Variants in ENTREP2 observed in about 807,000 individuals in gnomAD.
The protein encoded by ENTREP2 is protein ENTREP2.
At chr15:29,454,620 C>T in the ENTREP2 span, among the ~76,000 whole-genome samples, 1 of 152,138 alleles carries the variant, frequency 6.6e-6, no homozygotes, top group Non-Finnish European at 1.5e-5. Context: ...TCAGAGATGG[C>T]CCCAATGCCC....
the ENTREP2 span, among the ~76,000 whole-genome samples, chr15:29,368,460 T>G: frequency 4.6e-5 from 7 of 151,792 alleles, no homozygotes; most frequent in African/African-American, 1.5e-4. Context: ...ACAAAGACTT[T>G]AAATCAGTTA....
the ENTREP2 span, among the ~76,000 whole-genome samples, chr15:29,626,406 C>T: frequency 6.6e-6 from 1 of 152,180 alleles, no homozygotes; most frequent in African/African-American, 2.4e-5. Context: ...GGGAGCTCCC[C>T]TGCACAAGCT....
At chr15:29,584,996 T>TA in the ENTREP2 span, among the ~76,000 whole-genome samples, 1 of 73,880 alleles carries the variant, frequency 1.4e-5, no homozygotes, top group African/African-American at 3.9e-5. Flanking sequence ...CAAAGATCGA[T>TA]GGATAGATAG....
chr15:29,600,902 C>CCTTTTTTTTTTTTTTTTTTTT, the ENTREP2 span, among the ~76,000 whole-genome samples: 2 of 123,624 alleles, frequency 1.6e-5, no homozygotes, highest in African/African-American at 7.2e-5. Context: ...ATTTTTCTTT[C>CCTTTTTTTTTTTTTTTTTTTT]TTTTTTTTTT....
At chr15:29,673,394 T>A in the ENTREP2 span, among the ~76,000 whole-genome samples, 1 of 152,166 alleles carries the variant, frequency 6.6e-6, no homozygotes, top group East Asian at 1.9e-4. Context: ...CTACTCAAGA[T>A]GGAGTCGCTG....
the ENTREP2 span, among the ~76,000 whole-genome samples, chr15:29,168,407 A>G: frequency 2.0e-5 from 3 of 152,356 alleles, no homozygotes; most frequent in African/African-American, 7.2e-5. Context: ...GACTCTGTAC[A>G]AAGACTCTTG....
At chr15:29,206,843 ACG>A in the ENTREP2 span, among the ~76,000 whole-genome samples, 1 of 152,146 alleles carries the variant, frequency 6.6e-6, no homozygotes, top group Non-Finnish European at 1.5e-5. Flanking sequence ...TTACCACCAC[ACG>A]TAATTACTAA....
the ENTREP2 span, among the ~76,000 whole-genome samples, chr15:29,512,211 A>AT: frequency 2.0e-5 from 3 of 151,996 alleles, no homozygotes; most frequent in African/African-American, 7.3e-5. Context: ...TTATATTTGT[A>AT]TTTTTTGTTA....
At chr15:29,431,404 G>A in the ENTREP2 span, among the ~76,000 whole-genome samples, 11 of 152,096 alleles carry the variant, frequency 7.2e-5, no homozygotes, top group East Asian at 1.4e-3. Context: ...TTGTACAACT[G>A]TTAGACTGCT....
At chr15:29,572,771 G>A in the ENTREP2 span, among the ~76,000 whole-genome samples, 1 of 152,114 alleles carries the variant, frequency 6.6e-6, no homozygotes, top group Admixed American at 6.6e-5. Flanking sequence ...TTTCGGTCTA[G>A]TGGGAAGACT....
the ENTREP2 span, among the ~76,000 whole-genome samples, chr15:29,482,303 C>T: frequency 6.6e-6 from 1 of 152,058 alleles, no homozygotes; most frequent in Non-Finnish European, 1.5e-5. Context: ...AGCCACCATA[C>T]CTGGCCAGTA....
the ENTREP2 span, among the ~76,000 whole-genome samples, chr15:29,600,902 C>CTTTTTT: frequency 8.1e-6 from 1 of 123,624 alleles, no homozygotes; most frequent in Non-Finnish European, 1.6e-5. Flanking sequence ...ATTTTTCTTT[C>CTTTTTT]TTTTTTTTTT....
chr15:29,418,588 G>A, the ENTREP2 span, among the ~76,000 whole-genome samples: 3 of 152,180 alleles, frequency 2.0e-5, no homozygotes, highest in East Asian at 5.8e-4. Flanking sequence ...GGTTGCACAG[G>A]TCTTTCGCTT....
the ENTREP2 span, among the ~76,000 whole-genome samples, chr15:29,640,387 G>C: frequency 2.0e-5 from 3 of 152,196 alleles, no homozygotes; most frequent in Non-Finnish European, 4.4e-5. Flanking sequence ...GCCAGGTACA[G>C]TGGTATAAGC....
At chr15:29,557,590 G>A in the ENTREP2 span, among the ~76,000 whole-genome samples, 5 of 152,300 alleles carry the variant, frequency 3.3e-5, no homozygotes, top group South Asian at 4.1e-4. Flanking sequence ...TCGGAGACAC[G>A]GGAGGGGAGA....
chr15:29,128,786 T>C, the ENTREP2 span: 1 of 1,550,362 alleles, frequency 6.5e-7, no homozygotes, highest in Non-Finnish European at 8.7e-7. Context: ...GAGGTAAGCT[T>C]ACCTGGAGTG....
chr15:29,490,798 C>T, the ENTREP2 span, among the ~76,000 whole-genome samples: 1 of 152,350 alleles, frequency 6.6e-6, no homozygotes, highest in South Asian at 2.1e-4. Flanking sequence ...CTCAGGAGCC[C>T]AGCTGGCTTC....
the ENTREP2 span, among the ~76,000 whole-genome samples, chr15:29,386,231 G>A: frequency 6.6e-6 from 1 of 152,174 alleles, no homozygotes; most frequent in Non-Finnish European, 1.5e-5. Flanking sequence ...ATTAACACAA[G>A]CTGCCTGCAG....
At chr15:29,290,662 T>TA in the ENTREP2 span, among the ~76,000 whole-genome samples, 1 of 152,192 alleles carries the variant, frequency 6.6e-6, no homozygotes, top group South Asian at 2.1e-4. Flanking sequence ...AATGGCCACA[T>TA]AAGAAGACAG....
Sources: allele counts gnomAD v4.1 joint callset (sites outside exome capture counted in the v4.1 genomes callset), GRCh38; gene constraint gnomAD v4.1.1; transcripts MANE v1.5; gene names NCBI Gene and HGNC (gene_info 2026-07-23, HGNC 2026-07-21).